The following SAMMSON variants were observed in gnomAD, a reference collection of about 807,000 sequenced individuals.
The protein encoded by SAMMSON is long intergenic non-protein coding RNA 1212.
At position 70,331,909 on chromosome 3, in the gene SAMMSON, C is replaced by T. The variant is rs372588856; in HGVS notation, n.740-22266C>T. 3.9e-5 allele frequency among the ~76,000 whole-genome samples: 6 copies of T among 152,134 alleles called. No homozygotes were observed. In the South Asian group the frequency reaches 1.2e-3, roughly 32 times the overall value. On this transcript the variant is annotated intron_variant and non_coding_transcript_variant, in intron 7 of 9. Coordinates refer to ENST00000642114, the Ensembl canonical transcript of SAMMSON. ...GCATTAGTGTAAGATTTTGGGGAAA[C>T]CTCATGAGATTTGGTACAGTAACTT...
chr3:70,244,521 T>A (rs1701688744), intron 4 of SAMMSON, among the ~76,000 whole-genome samples: 1 of 152,118 alleles, frequency 6.6e-6, no homozygotes. Context: ...AAGCTGTGAG[T>A]AGGCTAACAA....
chr3:70,067,499 G>T (rs973979978), intron 3 of SAMMSON, among the ~76,000 whole-genome samples: 1 of 151,772 alleles, frequency 6.6e-6, no homozygotes, highest in Admixed American at 6.6e-5. Flanking sequence ...CCTCCACCTC[G>T]CCCCCACTTG....
intron 4 of SAMMSON, among the ~76,000 whole-genome samples, chr3:70,135,374 A>T (rs1000707335): frequency 4.6e-5 from 7 of 152,174 alleles, no homozygotes; most frequent in Non-Finnish European, 8.8e-5. Flanking sequence ...TATTTCACCT[A>T]TTCACAATTA....
chr3:70,246,067 C>G (rs1701705566), intron 4 of SAMMSON, among the ~76,000 whole-genome samples: 2 of 151,390 alleles, frequency 1.3e-5, no homozygotes, highest in South Asian at 4.2e-4. Flanking sequence ...TTCTTTTATT[C>G]CCAAAAGATA....
intron 3 of SAMMSON, among the ~76,000 whole-genome samples, chr3:70,056,762 A>G: frequency 6.6e-6 from 1 of 152,064 alleles, no homozygotes; most frequent in East Asian, 1.9e-4. Flanking sequence ...TCATGCTACA[A>G]GATAAACAGC....
intron 4 of SAMMSON, among the ~76,000 whole-genome samples, chr3:70,194,715 A>G (rs1418103473): frequency 6.6e-6 from 1 of 152,218 alleles, no homozygotes; most frequent in African/African-American, 2.4e-5. Flanking sequence ...TTTGAAATGC[A>G]CAATCTTTGC....
intron 7 of SAMMSON, among the ~76,000 whole-genome samples, chr3:70,336,638 A>G (rs994794888): frequency 9.2e-5 from 14 of 152,024 alleles, no homozygotes; most frequent in Admixed American, 5.9e-4. Context: ...CTTGTAAAAC[A>G]TAAGTAAACC....
chr3:70,173,620 G>T (rs1322696874), intron 4 of SAMMSON, among the ~76,000 whole-genome samples: 1 of 151,664 alleles, frequency 6.6e-6, no homozygotes, highest in Non-Finnish European at 1.5e-5. Flanking sequence ...GATAATTTTT[G>T]CAAAAGTTTT....
At chr3:70,372,059 A>C (rs930355500) in intron 9 of SAMMSON, among the ~76,000 whole-genome samples, 1 of 152,122 alleles carries the variant, frequency 6.6e-6, no homozygotes, top group South Asian at 2.1e-4. Flanking sequence ...GTTGCATTTC[A>C]TAAAATGCTT....
intron 3 of SAMMSON, among the ~76,000 whole-genome samples, chr3:70,055,555 G>A (rs2067163895): frequency 6.6e-6 from 1 of 152,040 alleles, no homozygotes; most frequent in South Asian, 2.1e-4. Context: ...TTTCCCCTGA[G>A]CTTTCATCCT....
At chr3:70,099,294 A>G (rs1367145932) in intron 4 of SAMMSON, among the ~76,000 whole-genome samples, 1 of 152,190 alleles carries the variant, frequency 6.6e-6, no homozygotes, top group Admixed American at 6.5e-5. Context: ...ATTGCCACAT[A>G]GTTCTCTTGA....
chr3:70,311,033 A>C (rs1035443809), intron 7 of SAMMSON, among the ~76,000 whole-genome samples: 4 of 152,216 alleles, frequency 2.6e-5, no homozygotes, highest in Admixed American at 2.6e-4. Context: ...ATAAATATCA[A>C]TAAACATTGT....
At chr3:70,071,000 G>A (rs2067227127) in intron 3 of SAMMSON, among the ~76,000 whole-genome samples, 2 of 151,924 alleles carry the variant, frequency 1.3e-5, no homozygotes, top group South Asian at 4.1e-4. Context: ...AATTTTAAAA[G>A]CCAATCATTT....
At chr3:70,004,810 T>C (rs1309561197) in intron 1 of SAMMSON, among the ~76,000 whole-genome samples, 1 of 152,216 alleles carries the variant, frequency 6.6e-6, no homozygotes, top group Non-Finnish European at 1.5e-5. Flanking sequence ...TTATCTATTA[T>C]CCATCCTTGA....
At chr3:70,291,697 A>G (rs1229931057) in intron 7 of SAMMSON, 1 of 152,252 alleles carries the variant, frequency 6.6e-6, no homozygotes, top group South Asian at 2.1e-4. Context: ...ATCCTCTTCA[A>G]CACAAAACTC....
intron 4 of SAMMSON, among the ~76,000 whole-genome samples, chr3:70,121,206 C>A (rs371141539): frequency 1.3e-5 from 2 of 152,200 alleles, no homozygotes; most frequent in Non-Finnish European, 2.9e-5. Context: ...CCATGGGGAG[C>A]AGCTGTAAAC....
At chr3:70,216,717 C>T (rs1048516496) in intron 4 of SAMMSON, among the ~76,000 whole-genome samples, 5 of 152,144 alleles carry the variant, frequency 3.3e-5, no homozygotes, top group African/African-American at 1.2e-4. Flanking sequence ...TCAAATGTCA[C>T]CTCCTGGGTG....
chr3:70,364,389 A>G (rs1702902498), intron 9 of SAMMSON, among the ~76,000 whole-genome samples: 1 of 151,860 alleles, frequency 6.6e-6, no homozygotes, highest in Non-Finnish European at 1.5e-5. Flanking sequence ...TACTTCCTTG[A>G]GTATATTGTA....
intron 4 of SAMMSON, chr3:70,205,446 A>AAT (rs1701280561): frequency 6.6e-6 from 1 of 152,140 alleles, no homozygotes; most frequent in Non-Finnish European, 1.5e-5. Context: ...CCACATACAT[A>AAT]ATATATGATA....
Sources: allele counts gnomAD v4.1 joint callset (sites outside exome capture counted in the v4.1 genomes callset), GRCh38; gene constraint gnomAD v4.1.1; transcripts MANE v1.5; gene names NCBI Gene and HGNC (gene_info 2026-07-23, HGNC 2026-07-21).